Variants in PTPRG observed in about 807,000 individuals in gnomAD.
PTPRG encodes protein tyrosine phosphatase receptor type G, also known as receptor-type tyrosine-protein phosphatase gamma.
PTPRG carries 102 observed loss-of-function variants against 165.3 expected under a neutral mutation model. The ratio of observed to expected loss-of-function variants is 0.62; its 90% CI spans 0.53 to 0.73. The LOEUF (loss-of-function observed/expected upper bound fraction) is 0.73, where lower values mean the gene tolerates loss of function less well. Among genes scored for constraint, PTPRG ranks in the 30% least tolerant of loss-of-function variants. PTPRG has a pLI of 0.00. For missense variants in PTPRG, 1,866 were observed against 1,861.4 expected, an observed-to-expected ratio of 1.00 and a Z score of -0.05; for synonymous variants, 675 against 669.5, an observed-to-expected ratio of 1.01 and a Z score of -0.13.
chr3:62,168,600 T>A (rs780651870), intron 8 of PTPRG, among the ~76,000 whole-genome samples: 3 of 152,188 alleles, frequency 2.0e-5, no homozygotes, highest in Non-Finnish European at 4.4e-5. Context: ...CACCATTCGC[T>A]GCTCAGACAC....
chr3:61,713,113 A>G (rs2031643533), intron 1 of PTPRG, among the ~76,000 whole-genome samples: 1 of 150,660 alleles, frequency 6.6e-6, no homozygotes, highest in African/African-American at 2.4e-5. Flanking sequence ...TTGGGTTCAG[A>G]GTTATAGGGT....
chr3:62,191,088 A>ACG (rs1278062823), intron 8 of PTPRG, among the ~76,000 whole-genome samples: 17 of 151,562 alleles, frequency 1.1e-4, no homozygotes, highest in African/African-American at 3.9e-4. Flanking sequence ...TGTCCCGTGC[A>ACG]TGTGTGTGTG....
chr3:61,696,932 C>T (rs1337285033), intron 1 of PTPRG, among the ~76,000 whole-genome samples: 13 of 152,122 alleles, frequency 8.5e-5, no homozygotes, highest in Admixed American at 8.5e-4. Flanking sequence ...TTAAATTTTT[C>T]CTCTACTCAG....
chr3:61,721,049 ACTT>A (rs1453738946), intron 1 of PTPRG, among the ~76,000 whole-genome samples: 1 of 152,268 alleles, frequency 6.6e-6, no homozygotes, highest in East Asian at 1.9e-4. Flanking sequence ...GGATTATTTA[ACTT>A]CTTCTTGCCT....
At chr3:61,937,578 C>T (rs1480600065) in intron 2 of PTPRG, among the ~76,000 whole-genome samples, 1 of 152,188 alleles carries the variant, frequency 6.6e-6, no homozygotes, top group Non-Finnish European at 1.5e-5. Flanking sequence ...CAACTTTACT[C>T]TGATGAAGGC....
intron 2 of PTPRG, among the ~76,000 whole-genome samples, chr3:61,927,769 T>A (rs914604761): frequency 6.6e-6 from 1 of 152,220 alleles, no homozygotes; most frequent in African/African-American, 2.4e-5. Flanking sequence ...GAAAGTTGTG[T>A]CATTTCTATG....
chr3:62,021,842 G>C (rs2041698478), intron 4 of PTPRG, among the ~76,000 whole-genome samples: 1 of 147,076 alleles, frequency 6.8e-6, no homozygotes, highest in Non-Finnish European at 1.5e-5. Context: ...TGGCCATATA[G>C]GTCTTTTTCC....
chr3:62,080,429 C>G (rs1701532311), intron 5 of PTPRG, among the ~76,000 whole-genome samples: 1 of 152,026 alleles, frequency 6.6e-6, no homozygotes, highest in Non-Finnish European at 1.5e-5. Flanking sequence ...TGGGACCACA[C>G]AAACTGCTCT....
chr3:62,071,004 A>G (rs776908555), intron 4 of PTPRG, among the ~76,000 whole-genome samples: 1 of 150,968 alleles, frequency 6.6e-6, no homozygotes, highest in East Asian at 1.9e-4. Context: ...GCTGCCTCCT[A>G]TGTGATTTTT....
chr3:61,951,482 AG>A (rs992828847), intron 2 of PTPRG, among the ~76,000 whole-genome samples: 18 of 152,176 alleles, frequency 1.2e-4, no homozygotes, highest in African/African-American at 4.3e-4. Flanking sequence ...AACCTTTTAA[AG>A]AAGTATTCTT....
At chr3:62,171,987 C>T (rs1705236043) in intron 8 of PTPRG, among the ~76,000 whole-genome samples, 1 of 152,276 alleles carries the variant, frequency 6.6e-6, no homozygotes, top group African/African-American at 2.4e-5. Context: ...CTATTCTGCA[C>T]ATTTTATGCA....
At chr3:61,650,874 T>A (rs1702329702) in intron 1 of PTPRG, among the ~76,000 whole-genome samples, 1 of 152,266 alleles carries the variant, frequency 6.6e-6, no homozygotes, top group South Asian at 2.1e-4. Context: ...TCTTGTTTAC[T>A]TTATGATGTA....
At chr3:62,023,331 A>C (rs1234076197) in intron 4 of PTPRG, among the ~76,000 whole-genome samples, 11 of 152,218 alleles carry the variant, frequency 7.2e-5, no homozygotes, top group Non-Finnish European at 1.6e-4. Flanking sequence ...AAACAGACTT[A>C]TGATGAAATT....
chr3:61,825,651 GTT>G lies in PTPRG; in HGVS notation c.190+76679_190+76680del, dbSNP rs34142867. On this transcript the variant is annotated intron_variant, in intron 2 of 29. Transcript: ENST00000474889. ...CACTTGGCTTATTCCGTTTTCTTAG[GTT>G]TTTTTTTTTGAGACAGGTTCTCGCT... 4.7e-5 allele frequency among the ~76,000 whole-genome samples: 7 copies of G among 148,242 alleles called. No homozygotes were observed. The East Asian group carries it at 1.4e-3, about 29-fold the overall frequency.
chr3:61,822,614 G>A (rs1200886201), intron 2 of PTPRG, among the ~76,000 whole-genome samples: 1 of 152,210 alleles, frequency 6.6e-6, no homozygotes, highest in African/African-American at 2.4e-5. Flanking sequence ...AAGGAAAGGA[G>A]CTACATCCTT....
chr3:61,899,078 T>G (rs906075366), intron 2 of PTPRG, among the ~76,000 whole-genome samples: 2 of 152,210 alleles, frequency 1.3e-5, no homozygotes, highest in Non-Finnish European at 2.9e-5. Flanking sequence ...CTGGCTGATT[T>G]TCACTTTATT....
chr3:61,596,688 G>A (rs932095909), intron 1 of PTPRG, among the ~76,000 whole-genome samples: 8 of 152,078 alleles, frequency 5.3e-5, no homozygotes, highest in Non-Finnish European at 1.2e-4. Flanking sequence ...TCTCCTCTTT[G>A]CTAGTTTGTA....
At chr3:61,701,004 A>C (rs1041908467) in intron 1 of PTPRG, among the ~76,000 whole-genome samples, 4 of 152,218 alleles carry the variant, frequency 2.6e-5, no homozygotes, top group African/African-American at 9.6e-5. Flanking sequence ...AAGTGAAGAC[A>C]GTCTAGGAGG....
intron 1 of PTPRG, among the ~76,000 whole-genome samples, chr3:61,742,154 C>T (rs985684486): frequency 2.6e-5 from 4 of 151,922 alleles, no homozygotes; most frequent in South Asian, 2.1e-4. Flanking sequence ...TTTTTTTCCC[C>T]GGAAGTCAAT....
Sources: gnomAD v4.1 joint callset for allele counts (sites outside exome capture counted in the v4.1 genomes callset) on GRCh38, gnomAD v4.1.1 for gene constraint, MANE v1.5 for transcripts, NCBI Gene and HGNC (gene_info 2026-07-23, HGNC 2026-07-21) for gene names.